Variants in ZNF596 observed in about 807,000 individuals in gnomAD.
ZNF596 encodes zinc finger protein 596.
Under a neutral mutation model 48.3 loss-of-function variants are expected in ZNF596, and 45 were observed. That is an observed-to-expected ratio of 0.93 (90% confidence interval 0.73 to 1.19). The LOEUF (loss-of-function observed/expected upper bound fraction) is 1.19. ZNF596 is among the 50% of genes most tolerant of loss of function. The pLI is 0.00. For missense variants in ZNF596, 848 were observed against 599.7 expected, an observed-to-expected ratio of 1.41 and a Z score of -4.32; for synonymous variants, 270 against 202.0, an observed-to-expected ratio of 1.34 and a Z score of -2.85.
chr8:243,396 T>C, intron 3 of ZNF596: 1 of 291,932 alleles, frequency 3.4e-6, no homozygotes, highest in South Asian at 5.8e-5. Context: ...CTGGTGGAGC[T>C]AATATTTATT....
intron 1 of ZNF596, among the ~76,000 whole-genome samples, chr8:240,080 C>T (rs547341034): frequency 6.6e-5 from 10 of 152,328 alleles, no homozygotes; most frequent in Non-Finnish European, 1.3e-4. Context: ...GTGCCAGGAA[C>T]TGGGGATGAA....
At chr8:239,673 A>G (rs185944540) in intron 1 of ZNF596, among the ~76,000 whole-genome samples, 12 of 152,332 alleles carry the variant, frequency 7.9e-5, no homozygotes, top group Non-Finnish European at 1.5e-4. Context: ...TCTGTCTCCA[A>G]GCAGTTGGGG....
chr8:247,287 G>C lies in ZNF596; in HGVS notation c.*925G>C, dbSNP rs1378783427. On this transcript the variant is annotated 3_prime_UTR_variant, in exon 6 of 6. Coordinates refer to ENST00000398612, the MANE Select transcript of ZNF596 (RefSeq NM_001042416.3). ...AATTCTGAAATAACCTGGGAATATT[G>C]AATGCAGAATTATGTAAGAAGTAAT... is the stretch of plus-strand genomic sequence containing the variant. The C allele has an allele frequency of 2.0e-5, 3 of 152,190 alleles. No individual in the cohort carries two copies. The highest frequency in any genetic ancestry group is 4.8e-5 in the African/African-American group (2 of 41,438). 9.4% of individuals were successfully genotyped at this position (152,190 alleles called of 1,614,324 possible).
At chr8:240,773 G>A (rs554639596) in intron 1 of ZNF596, 51 bp from the exon 2 acceptor site, 2 of 1,256,508 alleles carry the variant, frequency 1.6e-6, no homozygotes, top group East Asian at 2.3e-5. Flanking sequence ...GATGTTAGAA[G>A]CAAAACTGGA....
chr8:233,090 G>C, intron 1 of ZNF596: 3 of 468,410 alleles, frequency 6.4e-6, no homozygotes, highest in South Asian at 3.1e-5. Context: ...GAGGGAGGTA[G>C]AGCCAACGAG....
intron 5 of ZNF596, among the ~76,000 whole-genome samples, chr8:244,943 C>T (rs2906332): frequency 0.23 from 34,479 of 152,090 alleles, 3,952 homozygotes; most frequent in African/African-American, 0.24. Flanking sequence ...AATAACTAGT[C>T]AGATAGCTCT....
At position 246,029 on chromosome 8, in the gene ZNF596, T is replaced by C. The variant is rs201577009; in HGVS notation, c.1182T>C (p.His394=). The stretch of plus-strand genomic sequence containing the variant: ...CTGGAGAGAAACCATATGAGTGCCA[T>C]GTATGTGGGAAAGCCTTCACTGAAT... ...IHTGEKPYEC[H]VCGKAFTESS... The change falls in exon 6 of 6, where the codon CAT becomes CAC. Residue 394 remains histidine (H), a synonymous_variant. Transcript: ENST00000398612. 5.6e-6 allele frequency: 9 copies of C among 1,613,956 alleles called. No homozygotes were observed. The highest frequency in any genetic ancestry group is 4.0e-5 in the African/African-American group (3 of 74,896).
At chr8:238,984 T>C (rs1009912822) in intron 1 of ZNF596, among the ~76,000 whole-genome samples, 7 of 151,938 alleles carry the variant, frequency 4.6e-5, no homozygotes, top group African/African-American at 1.5e-4. Flanking sequence ...GAATCAAATA[T>C]AGATTCTGGG....
intron 2 of ZNF596, among the ~76,000 whole-genome samples, chr8:241,421 A>G (rs1796850436): frequency 6.6e-6 from 1 of 152,168 alleles, no homozygotes; most frequent in South Asian, 2.1e-4. Context: ...TTATTCATTT[A>G]TTTTTCCTAT....
upstream of ZNF596, chr8:232,291 G>C (rs1197216783): frequency 6.0e-6 from 1 of 167,582 alleles, no homozygotes; most frequent in African/African-American, 2.4e-5. Context: ...CCCTGCCCGA[G>C]ACCCCGCCCC....
intron 1 of ZNF596, among the ~76,000 whole-genome samples, chr8:238,779 C>T (rs981846101): frequency 1.3e-5 from 2 of 151,678 alleles, no homozygotes; most frequent in Non-Finnish European, 2.9e-5. Flanking sequence ...TGCACTACAG[C>T]CTGGGCAACG....
intron 1 of ZNF596, chr8:233,040 G>A (rs1485835783): frequency 6.4e-6 from 3 of 468,478 alleles, no homozygotes; most frequent in South Asian, 1.5e-5. Flanking sequence ...GCCTCGCTGT[G>A]GATGTCGAGG....
chr8:246,232 T>G lies in ZNF596; in HGVS notation c.1385T>G (p.Phe462Cys). ...AAAGCCTTCAATAGAAGTTACAACT[T>G]TAGACTTCATAGAAGAGTTCACACT... is the stretch of plus-strand genomic sequence containing the variant. ...CGKAFNRSYN[F>C]RLHRRVHTGE... Residue 462 changes from phenylalanine (F) to cysteine (C), a missense_variant, in exon 6 of 6, where the codon TTT becomes TGT. Phe to Cys is a radical substitution (Grantham distance 205). Transcript: ENST00000398612. 1 of 1,614,094 alleles carries G rather than the reference T, an allele frequency of 6.2e-7. No homozygotes were observed. The highest frequency in any genetic ancestry group is 8.5e-7 in the Non-Finnish European group (1 of 1,179,998).
chr8:235,630 A>G (rs984963522), intron 1 of ZNF596, among the ~76,000 whole-genome samples: 8 of 152,196 alleles, frequency 5.3e-5, no homozygotes, highest in African/African-American at 1.2e-4. Flanking sequence ...ATTAGATGCT[A>G]TTTTATATTC....
In ZNF596 at chr8:232,982, G is replaced by A. The variant is rs949363864; in HGVS notation, c.-73+288G>A. 4.0e-4 allele frequency: 186 copies of A among 468,614 alleles called. 19 individuals are homozygous for A. Among genetic ancestry groups the A allele is most frequent in the African/African-American group, 3.8e-3 (179 of 47,714 alleles). 29.0% of individuals were successfully genotyped at this position (468,614 alleles called of 1,614,324 possible). On this transcript the variant is annotated intron_variant, in intron 1 of 5. Transcript: ENST00000398612. ...GTGACTGTTGGGTGTTTACCTTCCC[G>A]GTGTCCCACTGAGAAGCGGGCTCTT... is the stretch of plus-strand genomic sequence containing the variant.
intron 1 of ZNF596, among the ~76,000 whole-genome samples, chr8:235,284 C>T (rs566189623): frequency 6.6e-6 from 1 of 152,330 alleles, no homozygotes; most frequent in South Asian, 2.1e-4. Context: ...CTTACTAGCA[C>T]ACTGACTGCT....
chr8:234,856 C>T lies in ZNF596; in HGVS notation c.-73+2162C>T, dbSNP rs186542042. 3.3e-5 allele frequency: 5 copies of T among 152,242 alleles called. No homozygotes were observed. The East Asian group carries it at 9.7e-4, about 29-fold the overall frequency. 9.4% of individuals were successfully genotyped at this position (152,242 alleles called of 1,614,324 possible). A position where few individuals can be genotyped will look rare whatever the true frequency, so the allele number is the denominator to read the frequency against. ...AGTGGGCCACATGGTGTCAGTGAGG[C>T]AAGTATGGGTCGTTTAGGGACAATG... On this transcript the variant is annotated intron_variant, in intron 1 of 5. Transcript: ENST00000398612.
At position 245,791 on chromosome 8, in the gene ZNF596, C is replaced by G. The variant is rs1346975224; in HGVS notation, c.944C>G (p.Ala315Gly). The change falls in exon 6 of 6, where the codon GCT becomes GGT. Residue 315 changes from alanine (A) to glycine (G), a missense_variant. Transcript: ENST00000398612. ...KPYGCLLCGKAFSKCSYLRQH... is the reference protein window; with the variant it reads ...KPYGCLLCGKGFSKCSYLRQH... ...TATGGATGTCTCCTATGTGGGAAGG[C>G]TTTCAGTAAATGTTCTTACCTTAGA... The G allele has an allele frequency of 3.7e-6, 6 of 1,613,980 alleles. No individual in the cohort carries two copies. Among genetic ancestry groups the G allele is most frequent in the Non-Finnish European group, 4.2e-6 (5 of 1,180,020 alleles).
chr8:241,665 C>G (rs1584909212), intron 2 of ZNF596, among the ~76,000 whole-genome samples: 1 of 152,130 alleles, frequency 6.6e-6, no homozygotes, highest in East Asian at 1.9e-4. Flanking sequence ...CCAGGACAAT[C>G]AAAGGATTTT....
Sources: gnomAD v4.1 joint callset for allele counts (sites outside exome capture counted in the v4.1 genomes callset) on GRCh38, gnomAD v4.1.1 for gene constraint, MANE v1.5 for transcripts, NCBI Gene and HGNC (gene_info 2026-07-23, HGNC 2026-07-21) for gene names.